Variants in YME1L1 observed in about 807,000 individuals in gnomAD.
YME1L1 encodes the protein YME1 like 1 ATPase.
A neutral mutation model predicts 90.4 loss-of-function variants in YME1L1; 39 were observed. The observed-to-expected ratio is 0.43, with a 90% CI of 0.33 to 0.56. The LOEUF is 0.56. Ranked by LOEUF, YME1L1 falls within the 20% of genes least tolerant of loss-of-function variation. The pLI is 0.03. For synonymous variants in YME1L1, 284 were observed against 287.3 expected (o/e 0.99, Z 0.12); for missense variants, 617 against 868.4 (o/e 0.71, Z 3.64).
intron 9 of YME1L1, among the ~76,000 whole-genome samples, chr10:27,125,968 C>T (rs1221946778): frequency 6.6e-6 from 1 of 152,152 alleles, no homozygotes; most frequent in Non-Finnish European, 1.5e-5. Flanking sequence ...TGAGCCACCA[C>T]ACCCAGTAAT....
At chr10:27,122,648 C>A (rs554504554) in intron 11 of YME1L1, among the ~76,000 whole-genome samples, 193 bp downstream of exon 11, 6 of 152,014 alleles carry the variant, frequency 3.9e-5, no homozygotes, top group Non-Finnish European at 8.8e-5. Context: ...GTAATGAAAA[C>A]AATACAATAC....
chr10:27,150,153 T>C (rs1266136946), intron 1 of YME1L1, among the ~76,000 whole-genome samples: 1 of 151,894 alleles, frequency 6.6e-6, no homozygotes, highest in Admixed American at 6.6e-5. Flanking sequence ...TGAGCTATCA[T>C]GCCACCACAC....
In YME1L1 at chr10:27,111,302, C is replaced by G. The variant is rs572568998; in HGVS notation, c.*675G>C. On this transcript the variant is annotated 3_prime_UTR_variant, in exon 19 of 19. Transcript: ENST00000376016. ...AACTCTTGACCTCAGGTGATTTGCC[C>G]GCCTTGGCCTCTGAAAAGTGCTGGG... is the stretch of plus-strand genomic sequence containing the variant. 76 of 152,860 alleles carry G rather than the reference C, an allele frequency of 5.0e-4. 1 individual carries two copies. Among genetic ancestry groups the G allele is most frequent in the African/African-American group, 1.5e-3 (64 of 41,554 alleles). 9.5% of individuals were successfully genotyped at this position (152,860 alleles called of 1,614,324 possible).
chr10:27,113,219 C>CAAAAA (rs869122796), intron 18 of YME1L1, among the ~76,000 whole-genome samples: 15 of 43,100 alleles, frequency 3.5e-4, no homozygotes, highest in South Asian at 7.6e-4. Flanking sequence ...GATGCTGTCT[C>CAAAAA]AAAAAAAAAA....
At chr10:27,134,267 G>A (rs983959985) in intron 6 of YME1L1, 145 bp from the exon 7 acceptor site, 1 of 697,144 alleles carries the variant, frequency 1.4e-6, no homozygotes. Flanking sequence ...CAACTGCTAT[G>A]ATTTCCTGTA....
chr10:27,147,348 T>C (rs1231948781), intron 2 of YME1L1: 4 of 1,427,546 alleles, frequency 2.8e-6, no homozygotes, highest in Non-Finnish European at 3.9e-6. Flanking sequence ...TTAAAAATGA[T>C]AAAACAAACA....
At chr10:27,151,896 T>A (rs1028616325) in intron 1 of YME1L1, among the ~76,000 whole-genome samples, 4 of 148,238 alleles carry the variant, frequency 2.7e-5, no homozygotes, top group Admixed American at 1.3e-4. Context: ...AAAAAAAAAA[T>A]TAAAATAAAA....
At chr10:27,119,155 AC>A (rs2056841444) in intron 14 of YME1L1, 138 bp downstream of exon 14, 1 of 828,936 alleles carries the variant, frequency 1.2e-6, no homozygotes, top group African/African-American at 1.8e-5. Context: ...AATCTTGAAA[AC>A]CCAGACACTG....
At chr10:27,149,511 A>ACT (rs2057185087) in intron 1 of YME1L1, among the ~76,000 whole-genome samples, 3 of 151,984 alleles carry the variant, frequency 2.0e-5, no homozygotes, top group African/African-American at 7.2e-5. Flanking sequence ...GGAGTTCAAG[A>ACT]CCAGCCTGAC....
At chr10:27,148,387 G>C (rs2057169812) in intron 2 of YME1L1, among the ~76,000 whole-genome samples, 1 of 152,034 alleles carries the variant, frequency 6.6e-6, no homozygotes, top group Non-Finnish European at 1.5e-5. Context: ...ATTTCTAGTA[G>C]AGATGGGATT....
At position 27,119,411 on chromosome 10, in the gene YME1L1, A is replaced by G; in HGVS notation, c.1450T>C (p.Phe484Leu). The change falls in exon 14 of 19, where the codon TTT (phenylalanine) becomes CTT (leucine). Residue 484 changes from phenylalanine to leucine, a missense_variant. Phe to Leu is a conservative substitution (Grantham distance 22, BLOSUM62 0). Transcript: ENST00000376016. ...AGATTCTCCAACTCTGCTCCGGAAA[A>G]GCCAACAGTACCTCGAGCTATAATT... is the stretch of plus-strand genomic sequence containing the variant. The part of the protein sequence containing the change: ...PEIIARGTVG[F>L]SGAELENLVN... The G allele has an allele frequency of 6.2e-7, 1 of 1,613,160 alleles. No homozygotes were observed. The highest frequency in any genetic ancestry group is 1.1e-5 in the South Asian group (1 of 90,926).
At chr10:27,129,930 C>A (rs1323171658) in intron 8 of YME1L1, among the ~76,000 whole-genome samples, 1 of 152,156 alleles carries the variant, frequency 6.6e-6, no homozygotes, top group Non-Finnish European at 1.5e-5. Flanking sequence ...CACAACCCCC[C>A]ACCTAACAGT....
chr10:27,136,791 T>C (rs938657854), intron 4 of YME1L1, among the ~76,000 whole-genome samples: 3 of 151,856 alleles, frequency 2.0e-5, no homozygotes, highest in Non-Finnish European at 4.4e-5. Flanking sequence ...GTGCAAGGCA[T>C]TGCTGCTCAC....
At position 27,114,594 on chromosome 10, in the gene YME1L1, G is replaced by C; in HGVS notation, c.1934C>G (p.Thr645Ser). The change falls in exon 18 of 19, where the codon ACC becomes AGC. Residue 645 changes from threonine to serine, a missense_variant. By Grantham distance (58) the Thr-to-Ser change is moderately conservative. Transcript: ENST00000376016. ...ACTTAGTTTCCCTGTATCACTGTAG[G>C]TCATAACTCCAAGCTAAAACCAAAA... is the stretch of plus-strand genomic sequence containing the variant. The part of the protein sequence containing the change: ...FGMSEKLGVM[T>S]YSDTGKLSPE... The C allele has an allele frequency of 6.2e-7, 1 of 1,612,006 alleles. No individual in the cohort carries two copies. The highest frequency in any genetic ancestry group is 8.5e-7 in the Non-Finnish European group (1 of 1,179,490).
Position 27,154,245 on chromosome 10 carries a change from C to T in YME1L1, c.-35G>A. 4 of 1,579,972 alleles carry T rather than the reference C, an allele frequency of 2.5e-6. No individual in the cohort carries two copies. The highest frequency in any genetic ancestry group is 3.4e-6 in the Non-Finnish European group (4 of 1,162,162). On this transcript the variant is annotated 5_prime_UTR_variant, in exon 1 of 19. Transcript: ENST00000376016. ...GCCCTCAGCGACCTCACCCGCCTGC[C>T]GAAACTGTGCCCCTCTGTCCACGGC...
chr10:27,131,900 G>C lies in YME1L1; in HGVS notation c.817C>G (p.Pro273Ala). ...AAGGTGACATTTTTCATCTGGACAGGATCTACTGCAGAATCAAGCCCTGTT... is the reference window on the plus strand; with the variant it reads ...AAGGTGACATTTTTCATCTGGACAGCATCTACTGCAGAATCAAGCCCTGTT... ...TTTGLDSAVD[P>A]VQMKNVTFEH... Residue 273 changes from proline to alanine, a missense_variant, in exon 8 of 19, where the codon CCT becomes GCT. Pro to Ala is a conservative substitution (Grantham distance 27). Transcript: ENST00000376016. 6.2e-7 allele frequency: 1 copy of C among 1,613,298 alleles called. No homozygotes were observed. Among genetic ancestry groups the C allele is most frequent in the Non-Finnish European group, 8.5e-7 (1 of 1,179,822 alleles).
rs766238062 is a variant in YME1L1, at chr10:27,114,451, T to C, written c.2007+70A>G. ...GTGAACAGAGGGCCTTCAGCTGTTATTTTTTAAGAACCTGACTATTTAAGC... is the reference window on the plus strand; with the variant it reads ...GTGAACAGAGGGCCTTCAGCTGTTACTTTTTAAGAACCTGACTATTTAAGC... On this transcript the variant is annotated intron_variant, in intron 18 of 18. Coordinates refer to ENST00000376016, the MANE Select transcript of YME1L1 (RefSeq NM_014263.4). 4.4e-5 allele frequency: 57 copies of C among 1,302,716 alleles called. 2 individuals are homozygous for C. The Admixed American group carries it at 1.2e-3, about 27-fold the overall frequency. The allele number at this position is 1,302,716 out of a possible 1,614,324, so 80.7% of individuals were successfully genotyped here. A position where few individuals can be genotyped will look rare whatever the true frequency, so the allele number is the denominator to read the frequency against.
At chr10:27,123,483 A>G (rs1187857963) in intron 10 of YME1L1, 64 bp downstream of exon 10, 7 of 1,506,500 alleles carry the variant, frequency 4.6e-6, no homozygotes, top group Non-Finnish European at 5.3e-6. Flanking sequence ...TAGCAAAGAA[A>G]GGGTAAGATA....
At chr10:27,145,121 A>G (rs2057128715) in intron 3 of YME1L1, among the ~76,000 whole-genome samples, 1 of 152,218 alleles carries the variant, frequency 6.6e-6, no homozygotes, top group Admixed American at 6.5e-5. Context: ...AGCCTGGCTG[A>G]CAGAAGGAGA....
Sources: gnomAD v4.1 joint callset for allele counts (sites outside exome capture counted in the v4.1 genomes callset) on GRCh38, gnomAD v4.1.1 for gene constraint, MANE v1.5 for transcripts, NCBI Gene and HGNC (gene_info 2026-07-23, HGNC 2026-07-21) for gene names.